The following MUS81 variants were observed in gnomAD, a reference collection of about 807,000 sequenced individuals.
The protein encoded by MUS81 is structure-specific endonuclease subunit MUS81.
MUS81 carries 69 observed loss-of-function variants against 74.2 expected under a neutral mutation model. That is an observed-to-expected ratio of 0.93 (90% CI 0.77 to 1.14). The LOEUF (loss-of-function observed/expected upper bound fraction) is 1.14, where lower values mean the gene tolerates loss of function less well. Among genes scored for constraint, MUS81 ranks in the 50% most tolerant of loss-of-function variants. The pLI is 0.00. For synonymous variants in MUS81, 303 were observed against 300.6 expected (o/e 1.01, Z -0.08); for missense variants, 711 against 726.5 (o/e 0.98, Z 0.25).
intron 10 of MUS81, 39 bp from the exon 11 acceptor site, chr11:65,864,458 C>A: frequency 6.4e-7 from 1 of 1,572,258 alleles, no homozygotes; most frequent in Non-Finnish European, 8.8e-7. Flanking sequence ...TGTGGTCATC[C>A]AGCCTGACCC....
At position 65,866,235 on chromosome 11, in the gene MUS81, C is replaced by A. The variant is rs1456122778; in HGVS notation, c.*183C>A. The A allele has an allele frequency of 7.8e-6, 5 of 641,574 alleles. No individual in the cohort carries two copies. The highest frequency in any genetic ancestry group is 1.3e-5 in the Non-Finnish European group (5 of 375,180). 39.7% of individuals were successfully genotyped at this position (641,574 alleles called of 1,614,324 possible). A position where few individuals can be genotyped will look rare whatever the true frequency, so the allele number is the denominator to read the frequency against. On this transcript the variant is annotated 3_prime_UTR_variant, in exon 16 of 16. Coordinates refer to ENST00000308110, the MANE Select transcript of MUS81 (RefSeq NM_025128.5). The stretch of plus-strand genomic sequence containing the variant: ...CAGGAACCAGGGATACCATCTGGTC[C>A]AGTGGTTTTTAAACAAAGCTGCTTA...
Position 65,861,033 on chromosome 11 carries a change from C to T in MUS81, c.196C>T (p.Leu66=), listed in dbSNP as rs770929991. Residue 66 remains leucine (L), a synonymous_variant, in exon 2 of 16, where the codon CTA becomes TTA. Coordinates refer to ENST00000308110, the MANE Select transcript of MUS81 (RefSeq NM_025128.5). ...GCGCAGCGGGAAGGAAGCTAAGATC[C>T]TACAGCACTTCGGAGACGGGCTCTG... ...PLRSGKEAKI[L]QHFGDGLCRM... 9 of 1,612,780 alleles carry T rather than the reference C, an allele frequency of 5.6e-6. No individual in the cohort carries two copies. The highest frequency in any genetic ancestry group is 1.7e-5 in the Admixed American group (1 of 60,036).
chr11:65,860,327 G>A (rs1859537062), upstream of MUS81: 1 of 466,924 alleles, frequency 2.1e-6, no homozygotes, highest in African/African-American at 2.0e-5. Context: ...GAGCCGCCAA[G>A]CTCAGGTTAG....
At chr11:65,865,366 C>T (rs1203401882) in intron 14 of MUS81, 43 bp downstream of exon 14, 2 of 1,567,778 alleles carry the variant, frequency 1.3e-6, no homozygotes, top group South Asian at 2.3e-5. Flanking sequence ...CCCCTGCCCT[C>T]CATGCATGGA....
rs1458256310 is a variant in MUS81, at chr11:65,860,963, G to T, written c.136-10G>T. On this transcript the variant is annotated splice_polypyrimidine_tract_variant and intron_variant, in intron 1 of 15. Transcript: ENST00000308110. ...TGCCCTGACCAGGTACCCTACCCCT[G>T]CCCGGCCAGGCGCTGCGTTCCCTCC... is the stretch of plus-strand genomic sequence containing the variant. The T allele has an allele frequency of 1.9e-6, 3 of 1,611,212 alleles. No homozygotes were observed. The highest frequency in any genetic ancestry group is 2.2e-5 in the East Asian group (1 of 44,860).
At chr11:65,864,001 A>G in intron 10 of MUS81, 100 bp downstream of exon 10, 1 of 1,211,490 alleles carries the variant, frequency 8.3e-7, no homozygotes, top group Non-Finnish European at 1.2e-6. Flanking sequence ...CTTGAGGCAG[A>G]GCCCTTTGGA....
downstream of MUS81, chr11:65,867,101 G>T (rs774130978): frequency 1.9e-6 from 3 of 1,613,320 alleles, no homozygotes; most frequent in African/African-American, 2.7e-5. Flanking sequence ...TGGGTGGGGG[G>T]ACATATATAT....
Position 65,860,458 on chromosome 11 carries a change from C to T in MUS81, c.-296C>T, listed in dbSNP as rs777441986. ...GACAGGAAGGAGCCGGTCCAGGCTC[C>T]GGGGGCTGGGAAAGGGCGCGTCTCA... On this transcript the variant is annotated 5_prime_UTR_variant, in exon 1 of 16. Transcript: ENST00000308110. The T allele has an allele frequency of 2.3e-4, 122 of 533,892 alleles. No homozygotes were observed. Among genetic ancestry groups the T allele is most frequent in the Non-Finnish European group, 3.6e-4 (104 of 290,840 alleles). 33.1% of individuals were successfully genotyped at this position (533,892 alleles called of 1,614,324 possible).
At chr11:65,861,495 G>C in intron 3 of MUS81, 60 bp downstream of exon 3, 1 of 1,466,642 alleles carries the variant, frequency 6.8e-7, no homozygotes, top group South Asian at 1.2e-5. Flanking sequence ...TGATTTTCTG[G>C]CTTGGGGGAT....
chr11:65,862,083 A>G, intron 4 of MUS81, 38 bp downstream of exon 4: 1 of 1,598,660 alleles, frequency 6.3e-7, no homozygotes, highest in Non-Finnish European at 8.6e-7. Context: ...GAACCATGGC[A>G]GTGGGGTGGG....
In MUS81 at chr11:65,865,002, C is replaced by T; in HGVS notation, c.1273-15C>T. ...CTTCGAGCTCCAGCCTGGCCTCAGT[C>T]CCTTCTTCCCTCAGGGCCACACCCT... On this transcript the variant is annotated splice_polypyrimidine_tract_variant and intron_variant, in intron 12 of 15. Coordinates refer to ENST00000308110, the MANE Select transcript of MUS81 (RefSeq NM_025128.5). The T allele has an allele frequency of 6.2e-7, 1 of 1,612,724 alleles. No homozygotes were observed. The highest frequency in any genetic ancestry group is 1.6e-4 in the Middle Eastern group (1 of 6,062).
At chr11:65,860,280 A>G (rs746674518), upstream of MUS81, 89 of 457,508 alleles carry the variant, frequency 1.9e-4, no homozygotes, top group Non-Finnish European at 2.9e-4. Context: ...GCCTCCTTCA[A>G]GCTTGAGGCT....
Position 65,865,116 on chromosome 11 carries a change from G to A in MUS81, c.1372G>A (p.Asp458Asn), listed in dbSNP as rs757463615. The A allele has an allele frequency of 5.0e-6, 8 of 1,614,190 alleles. No homozygotes were observed. The highest frequency in any genetic ancestry group is 6.8e-6 in the Non-Finnish European group (8 of 1,180,044). Reference protein sequence around the residue: ...NPLCSLLTFSDFNAGAIKNKA... With the variant: ...NPLCSLLTFSNFNAGAIKNKA... ...TCTCTGCTCACTCCTCACCTTCAGT[G>A]ACTTCAACGCAGGAGCCATCAAGAA... The change falls in exon 13 of 16, where the codon GAC becomes AAC. Residue 458 changes from aspartate to asparagine, a missense_variant. Physicochemically the swap from Asp to Asn is conservative, Grantham distance 23. Transcript: ENST00000308110.
chr11:65,861,545 C>G, intron 3 of MUS81, 110 bp downstream of exon 3: 1 of 848,708 alleles, frequency 1.2e-6, no homozygotes, highest in South Asian at 1.7e-5. Flanking sequence ...TGATGCCTGG[C>G]CTTGAGCAAA....
upstream of MUS81, chr11:65,860,237 C>T (rs2134718516): frequency 2.2e-6 from 1 of 456,552 alleles, no homozygotes; most frequent in Non-Finnish European, 4.4e-6. Context: ...CCCGCCTCTC[C>T]TGGACTCTTT....
In MUS81 at chr11:65,866,013, C is replaced by G. The variant is rs375433249; in HGVS notation, c.1617C>G (p.Thr539=). 3 of 1,614,070 alleles carry G rather than the reference C, an allele frequency of 1.9e-6. No individual in the cohort carries two copies. The highest frequency in any genetic ancestry group is 2.5e-6 in the Non-Finnish European group (3 of 1,179,978). The change falls in exon 16 of 16, where the codon ACC becomes ACG. Residue 539 remains threonine, a synonymous_variant. Transcript: ENST00000308110. The stretch of plus-strand genomic sequence containing the variant: ...ATCTGGGGCCTGCTCTGAGCAGGAC[C>G]TTATCCCAGCTCTACTGCAGCTACG... ...QRNLGPALSR[T]LSQLYCSYGP...
In MUS81 at chr11:65,865,259, C is replaced by T. The variant is rs762684304; in HGVS notation, c.1441C>T (p.Gln481Ter). The T allele has an allele frequency of 3.1e-6, 5 of 1,614,192 alleles. No individual in the cohort carries two copies. The highest frequency in any genetic ancestry group is 4.2e-6 in the Non-Finnish European group (5 of 1,180,032). ...AGAAGTGTTTGCCCGGCAGCTGATG[C>T]AGGTGCGCGGAGTGAGTGGGGAGAA... Reference protein sequence around the residue: ...VREVFARQLMQVRGVSGEKAA... With the variant: ...VREVFARQLM Residue 481 changes from glutamine (Q) to a stop codon, truncating the protein, a stop_gained, in exon 14 of 16, where the codon CAG (glutamine) becomes TAG (stop). Coordinates refer to ENST00000308110, the MANE Select transcript of MUS81 (RefSeq NM_025128.5). LOFTEE classifies it high-confidence loss of function.
Position 65,863,210 on chromosome 11 carries a change from G to T in MUS81, c.746+5G>T, listed in dbSNP as rs201417841. 6.2e-7 allele frequency: 1 copy of T among 1,611,342 alleles called. No homozygotes were observed. The highest frequency in any genetic ancestry group is 8.5e-7 in the Non-Finnish European group (1 of 1,178,704). Reference sequence around the variant, plus strand: ...AGGAGCAGCTTCAGCAGAGCTGTGAGGAGGAGGGCAGAGGAGTGGGGAAAA... The same window carrying T: ...AGGAGCAGCTTCAGCAGAGCTGTGATGAGGAGGGCAGAGGAGTGGGGAAAA... On this transcript the variant is annotated splice_donor_5th_base_variant and intron_variant, in intron 7 of 15. Coordinates refer to ENST00000308110, the MANE Select transcript of MUS81 (RefSeq NM_025128.5).
intron 11 of MUS81, 32 bp downstream of exon 11, chr11:65,864,645 G>A: frequency 6.2e-7 from 1 of 1,612,788 alleles, no homozygotes; most frequent in Non-Finnish European, 8.5e-7. Context: ...AGGCAGGCAG[G>A]CAGGGGCCCC....
Sources: allele counts gnomAD v4.1 joint callset, GRCh38; gene constraint gnomAD v4.1.1; transcripts MANE v1.5; gene names NCBI Gene and HGNC (gene_info 2026-07-23, HGNC 2026-07-21).